Variants in NEDD4L observed in about 807,000 individuals in gnomAD.
NEDD4L encodes NEDD4 like E3 ubiquitin protein ligase.
A neutral mutation model predicts 148.9 loss-of-function variants in NEDD4L; 54 were observed. The observed-to-expected ratio is 0.36, with a 90% CI of 0.29 to 0.45. The LOEUF (loss-of-function observed/expected upper bound fraction) is 0.45, where lower values mean the gene tolerates loss of function less well. NEDD4L is among the 20% of genes least tolerant of loss of function. The pLI is 1.00. For missense variants in NEDD4L, 856 were observed against 1,233.8 expected (o/e 0.69, Z 4.59); for synonymous variants, 433 against 440.7 (o/e 0.98, Z 0.22).
intron 1 of NEDD4L, among the ~76,000 whole-genome samples, chr18:58,123,597 C>G (rs181902658): frequency 1.3e-5 from 2 of 152,204 alleles, no homozygotes; most frequent in Non-Finnish European, 2.9e-5. Flanking sequence ...ACTGGACTTG[C>G]ATCTCTTCAG....
rs2032570370 is a variant in NEDD4L, at chr18:58,134,363, T to TTC, written c.49-31424_49-31423insCT. Among the ~76,000 whole-genome samples the TTC allele has an allele frequency of 2.3e-3, 4 of 1,710 alleles. 2 individuals carry two copies. Among genetic ancestry groups the TTC allele is most frequent in the African/African-American group, 8.3e-3 (2 of 242 alleles). 1.1% of individuals were successfully genotyped at this position (1,710 alleles called of 152,430 possible). ...CAGTTAAAGCAATTCCATTTCTTTT[T>TTC]TTTTTTTTTTTTTTTTTTTTTTTTT... is the stretch of plus-strand genomic sequence containing the variant. On this transcript the variant is annotated intron_variant, in intron 1 of 30. Coordinates refer to ENST00000400345, the MANE Select transcript of NEDD4L (RefSeq NM_001144967.3).
intron 12 of NEDD4L, among the ~76,000 whole-genome samples, 188 bp from the exon 13 acceptor site, chr18:58,335,290 A>G (rs1208612273): frequency 1.3e-5 from 2 of 152,194 alleles, no homozygotes; most frequent in Non-Finnish European, 2.9e-5. Flanking sequence ...CTTGGGGGGC[A>G]TAGGGGTCAC....
intron 1 of NEDD4L, among the ~76,000 whole-genome samples, chr18:58,113,275 T>C (rs2085530933): frequency 6.6e-6 from 1 of 152,196 alleles, no homozygotes; most frequent in African/African-American, 2.4e-5. Context: ...TGATGATGAT[T>C]GGTGACAGAG....
chr18:58,230,008 A>T (rs1264431224), intron 2 of NEDD4L, among the ~76,000 whole-genome samples: 1 of 152,074 alleles, frequency 6.6e-6, no homozygotes, highest in Non-Finnish European at 1.5e-5. Flanking sequence ...AAACAAACAA[A>T]CAAAAAAGGA....
In NEDD4L at chr18:58,069,389, GC is replaced by G. The variant is rs536874308; in HGVS notation, c.48+24683del. On this transcript the variant is annotated intron_variant, in intron 1 of 30. Coordinates refer to ENST00000400345, the MANE Select transcript of NEDD4L (RefSeq NM_001144967.3). Reference sequence around the variant, plus strand: ...CAGGAACCAACTTTCAGATGTTGAAGCCAGTAGAAATTTAGTAATGTGGGAA... The same window carrying G: ...CAGGAACCAACTTTCAGATGTTGAAGCAGTAGAAATTTAGTAATGTGGGAA... Among the ~76,000 whole-genome samples the G allele has an allele frequency of 5.3e-5, 8 of 152,298 alleles. No individual in the cohort carries two copies. The South Asian group carries it at 1.7e-3, about 32-fold the overall frequency.
At chr18:58,066,623 C>T (rs959922241) in intron 1 of NEDD4L, among the ~76,000 whole-genome samples, 5 of 151,894 alleles carry the variant, frequency 3.3e-5, no homozygotes, top group Admixed American at 2.6e-4. Flanking sequence ...CGGCCAAGTC[C>T]GTTTTTACAC....
intron 1 of NEDD4L, among the ~76,000 whole-genome samples, chr18:58,118,134 G>T (rs2085978560): frequency 6.6e-6 from 1 of 152,240 alleles, no homozygotes; most frequent in Non-Finnish European, 1.5e-5. Flanking sequence ...TTGCCAAGTT[G>T]TTAGAGTGAA....
intron 1 of NEDD4L, among the ~76,000 whole-genome samples, chr18:58,060,334 G>A (rs4455056): frequency 0.81 from 123,127 of 152,086 alleles, 50,383 homozygotes; most frequent in East Asian, 1. Context: ...GACTGGTCTC[G>A]AACCCCTGGC....
At chr18:58,158,094 C>A (rs1342534812) in intron 1 of NEDD4L, among the ~76,000 whole-genome samples, 1 of 152,164 alleles carries the variant, frequency 6.6e-6, no homozygotes, top group Non-Finnish European at 1.5e-5. Context: ...GGATGTCAGC[C>A]AAGGCTGCTG....
intron 2 of NEDD4L, among the ~76,000 whole-genome samples, chr18:58,196,719 T>C (rs972859331): frequency 2.0e-5 from 3 of 147,808 alleles, no homozygotes; most frequent in East Asian, 1.9e-4. Context: ...TCTTTTTTTT[T>C]TTTTTTTTTT....
intron 1 of NEDD4L, among the ~76,000 whole-genome samples, chr18:58,050,742 CAA>C (rs1242937461): frequency 6.6e-6 from 1 of 151,754 alleles, no homozygotes; most frequent in Non-Finnish European, 1.5e-5. Flanking sequence ...GCCTGGGCAA[CAA>C]GAGCAAAACT....
chr18:58,357,114 C>T (rs1284600499), intron 18 of NEDD4L, 80 bp from the exon 19 acceptor site: 1 of 1,298,778 alleles, frequency 7.7e-7, no homozygotes, highest in African/African-American at 1.5e-5. Context: ...TCCAGAAATA[C>T]TTCCTTCCAA....
In NEDD4L at chr18:58,378,370, G is replaced by A. The variant is rs2047852479; in HGVS notation, c.2353-4876G>A. ...TGAATTAAAAGGTAGAGAAACACTT[G>A]GGGGAAGGCAGTGAGTGAAAAGGCA... On this transcript the variant is annotated intron_variant, in intron 24 of 30. Coordinates refer to ENST00000400345, the MANE Select transcript of NEDD4L (RefSeq NM_001144967.3). 2.6e-5 allele frequency among the ~76,000 whole-genome samples: 4 copies of A among 152,342 alleles called. 1 individual carries two copies. In the South Asian group the frequency reaches 8.3e-4, roughly 32 times the overall value.
In NEDD4L at chr18:58,369,517, C is replaced by T. The variant is rs140834888; in HGVS notation, c.2186-880C>T. 4.6e-4 allele frequency among the ~76,000 whole-genome samples: 66 copies of T among 143,408 alleles called. 1 individual carries two copies. The highest frequency in any genetic ancestry group is 1.5e-3 in the African/African-American group (57 of 38,228). 94.1% of individuals were successfully genotyped at this position (143,408 alleles called of 152,430 possible). ...GCAGGGCTCATTCTGCACATCTGTC[C>T]GCTGCTCCCCCTGGTCGGCTTCATG... On this transcript the variant is annotated intron_variant, in intron 22 of 30. Coordinates refer to ENST00000400345, the MANE Select transcript of NEDD4L (RefSeq NM_001144967.3).
At chr18:58,066,033 T>G (rs1373386339) in intron 1 of NEDD4L, among the ~76,000 whole-genome samples, 3 of 152,228 alleles carry the variant, frequency 2.0e-5, no homozygotes, top group Admixed American at 6.5e-5. Context: ...CTCTTTAATA[T>G]TCATATCTCA....
At chr18:58,129,844 T>G (rs1410234575) in intron 1 of NEDD4L, among the ~76,000 whole-genome samples, 1 of 149,988 alleles carries the variant, frequency 6.7e-6, no homozygotes. Flanking sequence ...TGTGGTGGTG[T>G]TGGGCTCTGT....
intron 2 of NEDD4L, among the ~76,000 whole-genome samples, chr18:58,174,964 A>G (rs772425829): frequency 3.3e-5 from 5 of 152,112 alleles, no homozygotes; most frequent in Non-Finnish European, 7.4e-5. Flanking sequence ...ACTAATGGAG[A>G]AGCTTCTGAA....
At chr18:58,099,678 C>G (rs1165360593) in intron 1 of NEDD4L, among the ~76,000 whole-genome samples, 1 of 152,156 alleles carries the variant, frequency 6.6e-6, no homozygotes, top group African/African-American at 2.4e-5. Context: ...AGGAGGTCTG[C>G]TTCATTGGTT....
rs573125672 is a variant in NEDD4L, at chr18:58,146,648, A to T, written c.49-19140A>T. On this transcript the variant is annotated intron_variant, in intron 1 of 30. Coordinates refer to ENST00000400345, the MANE Select transcript of NEDD4L (RefSeq NM_001144967.3). ...GTGTGCAGAGCCAAGCTTCAGTGTG[A>T]CAAGGAATGGTGGGAGCAATTTGGA... Among the ~76,000 whole-genome samples the T allele has an allele frequency of 5.3e-5, 8 of 152,276 alleles. No individual in the cohort carries two copies. The South Asian group carries it at 6.2e-4, about 12-fold the overall frequency.
Sources: allele counts gnomAD v4.1 joint callset (sites outside exome capture counted in the v4.1 genomes callset), GRCh38; gene constraint gnomAD v4.1.1; transcripts MANE v1.5; gene names NCBI Gene and HGNC (gene_info 2026-07-23, HGNC 2026-07-21).